Variants in FBF1 observed in about 807,000 individuals in gnomAD.
The protein encoded by FBF1 is Fas binding factor 1, also known as fas-binding factor 1.
A neutral mutation model predicts 147.2 loss-of-function variants in FBF1; 119 were observed. The ratio of observed to expected loss-of-function variants is 0.81; its 90% CI spans 0.70 to 0.94. The LOEUF (loss-of-function observed/expected upper bound fraction) is 0.94. Ranked by LOEUF, FBF1 falls within the 40% of genes least tolerant of loss-of-function variation. The pLI is 0.00. For synonymous variants in FBF1, 601 were observed against 609.0 expected (o/e 0.99, Z 0.19); for missense variants, 1,449 against 1,500.8 (o/e 0.97, Z 0.57).
In FBF1 at chr17:75,923,171, A is replaced by C. The variant is rs1402551784; in HGVS notation, c.1424+15T>G. ...CAGTCCTCCCCCTACTAGCCACAGC[A>C]GCCTAAGTCAGTACCTGCCAGAAGG... On this transcript the variant is annotated intron_variant, in intron 14 of 29. Transcript: ENST00000636174. The surrounding 1 kb of genome is among the most constrained non-coding windows in gnomAD (Gnocchi z 4.1). 1 of 1,553,132 alleles carries C rather than the reference A, an allele frequency of 6.4e-7. No individual in the cohort carries two copies. The highest frequency in any genetic ancestry group is 8.7e-7 in the Non-Finnish European group (1 of 1,148,158).
rs548105895 is a variant in FBF1 at position 75,910,464 on chromosome 17, C to T, written c.*259G>A. ...GGTCCTTGCTGCCAACTCAGACCCT[C>T]AGATCCAAGCCAATGGCTTTGGGGC... On this transcript the variant is annotated 3_prime_UTR_variant, in exon 30 of 30. Coordinates refer to ENST00000636174, the MANE Select transcript of FBF1 (RefSeq NM_001319193.2). This position sits in a 1 kb window ranked among gnomAD's most constrained non-coding sequence, Gnocchi z 4.1. 2.5e-5 allele frequency: 12 copies of T among 478,988 alleles called. No homozygotes were observed. Among genetic ancestry groups the T allele is most frequent in the African/African-American group, 2.3e-4 (12 of 51,140 alleles). The allele number at this position is 478,988 out of a possible 1,614,324, so 29.7% of individuals were successfully genotyped here.
Position 75,928,226 on chromosome 17 carries a change from T to C in FBF1, c.280-33A>G. On this transcript the variant is annotated intron_variant, in intron 7 of 29. Coordinates refer to ENST00000636174, the MANE Select transcript of FBF1 (RefSeq NM_001319193.2). This position sits in a 1 kb window ranked among gnomAD's most constrained non-coding sequence, Gnocchi z 4.2. ...ACCAGGGAGGGAGGGCAGAGGACTA[T>C]GTCTGATAAGGGGCTGAGGACTTCC... 1 of 1,588,118 alleles carries C rather than the reference T, an allele frequency of 6.3e-7. No homozygotes were observed. Among genetic ancestry groups the C allele is most frequent in the Non-Finnish European group, 8.6e-7 (1 of 1,156,708 alleles).
intron 15 of FBF1, 52 bp from the exon 16 acceptor site, chr17:75,921,612 G>T: frequency 6.9e-7 from 1 of 1,440,190 alleles, no homozygotes; most frequent in African/African-American, 1.4e-5. Flanking sequence ...GGGACACGGG[G>T]ACGGGGCAGG....
chr17:75,926,992 A>C, intron 9 of FBF1, 115 bp from the exon 10 acceptor site: 1 of 1,399,454 alleles, frequency 7.1e-7, no homozygotes, highest in Non-Finnish European at 9.6e-7. Context: ...GTACATAAAC[A>C]AGCCCCCTGG....
intron 1 of FBF1, 59 bp from the exon 2 acceptor site, chr17:75,938,291 G>T: frequency 8.0e-7 from 1 of 1,256,628 alleles, no homozygotes; most frequent in Non-Finnish European, 1.1e-6. Flanking sequence ...TGGGCGCCAT[G>T]GCTCACGCCT....
Position 75,910,792 on chromosome 17 carries a change from CAAG to C in FBF1, c.3375_3377del (p.Phe1125del). On this transcript the variant is annotated inframe_deletion, in exon 30 of 30. Transcript: ENST00000636174. This position sits in a 1 kb window ranked among gnomAD's most constrained non-coding sequence, Gnocchi z 4.1. ...TCTCCAGGAAGAACTGTTCATTCTC[CAAG>C]AAGTCACGGTCCTGCAAGGCAGGTT... 1 of 1,610,040 alleles carries C rather than the reference CAAG, an allele frequency of 6.2e-7. No homozygotes were observed. Among genetic ancestry groups the C allele is most frequent in the Non-Finnish European group, 8.5e-7 (1 of 1,178,286 alleles).
intron 28 of FBF1, chr17:75,913,441 C>A: frequency 7.8e-6 from 3 of 383,666 alleles, no homozygotes; most frequent in Non-Finnish European, 9.3e-6. Context: ...AGCCACCACG[C>A]CCAGCCTGAC....
intron 16 of FBF1, 24 bp downstream of exon 16, chr17:75,921,448 T>C (rs1228943614): frequency 8.1e-6 from 13 of 1,603,674 alleles, no homozygotes; most frequent in African/African-American, 1.3e-5. Flanking sequence ...AACTCCCAAA[T>C]GAAGCAGCAA....
chr17:75,935,634 T>G lies in FBF1; in HGVS notation c.71A>C (p.Asp24Ala). The change falls in exon 4 of 30, where the codon GAT (aspartate) becomes GCT (alanine). Residue 24 changes from aspartate to alanine, a missense_variant and splice_region_variant. Coordinates refer to ENST00000636174, the MANE Select transcript of FBF1 (RefSeq NM_001319193.2). Reference sequence around the variant, plus strand: ...GATTCTGGGCAAGGCACACTTACTATCATCCCCTAGAAGGTCACCAAGAAA... The same window carrying G: ...GATTCTGGGCAAGGCACACTTACTAGCATCCCCTAGAAGGTCACCAAGAAA... ...DDFLGDLLGDDMTLPEKPVKL... is the reference protein window; with the variant it reads ...DDFLGDLLGDAMTLPEKPVKL... 6.5e-7 allele frequency: 1 copy of G among 1,536,704 alleles called. No individual in the cohort carries two copies.
chr17:75,936,073 G>T (rs937608264), intron 3 of FBF1, among the ~76,000 whole-genome samples: 7 of 152,124 alleles, frequency 4.6e-5, no homozygotes, highest in African/African-American at 1.7e-4. Context: ...AGCACTTTGG[G>T]AGGCCAAGGC....
In FBF1 at chr17:75,922,036, TGA is replaced by T; in HGVS notation, c.1433_1434del (p.Leu478HisfsTer7). 6.4e-7 allele frequency: 1 copy of T among 1,551,614 alleles called. No homozygotes were observed. Among genetic ancestry groups the T allele is most frequent in the African/African-American group, 1.4e-5 (1 of 73,036 alleles). On this transcript the variant is annotated frameshift_variant, in exon 15 of 30. Coordinates refer to ENST00000636174, the MANE Select transcript of FBF1 (RefSeq NM_001319193.2). LOFTEE classifies it high-confidence loss of function. The surrounding 1 kb of genome is among the most constrained non-coding windows in gnomAD (Gnocchi z 5.0). ...GCGTGCTCAAGCCCTTGTGTGCTGG[TGA>T]GAGGTTGGCTGAGGAAAGGCAGCGT... ...AGHPPSGSQP[L>X]TSTQGLEHAA...
rs2065477180 is a variant in FBF1, at chr17:75,914,721, C to T, written c.2814+26G>A. Reference sequence around the variant, plus strand: ...GGGGCGCAGGCAACCCTGGGCCCTCCACTGTCCGGAGGCTCTGGGCCCTAC... The same window carrying T: ...GGGGCGCAGGCAACCCTGGGCCCTCTACTGTCCGGAGGCTCTGGGCCCTAC... On this transcript the variant is annotated intron_variant, in intron 25 of 29. Transcript: ENST00000636174. 6 of 1,519,692 alleles carry T rather than the reference C, an allele frequency of 3.9e-6. 2 individuals are homozygous for T. The South Asian group carries it at 7.5e-5, about 19-fold the overall frequency. The allele number at this position is 1,519,692 out of a possible 1,614,324, so 94.1% of individuals were successfully genotyped here. A position where few individuals can be genotyped will look rare whatever the true frequency, so the allele number is the denominator to read the frequency against.
In FBF1 at chr17:75,927,681, T is replaced by C; in HGVS notation, c.398-149A>G. On this transcript the variant is annotated intron_variant, in intron 8 of 29. Coordinates refer to ENST00000636174, the MANE Select transcript of FBF1 (RefSeq NM_001319193.2). ...GCCATGGGCACAGCCAAGGGAGGAG[T>C]CTCCAGTTCTGCCATGGGCTTCTGG... is the stretch of plus-strand genomic sequence containing the variant. The C allele has an allele frequency of 4.5e-6, 3 of 673,820 alleles. No homozygotes were observed. The South Asian group carries it at 5.6e-5, about 13-fold the overall frequency. 41.7% of individuals were successfully genotyped at this position (673,820 alleles called of 1,614,324 possible).
At chr17:75,926,567 T>C (rs1354665924) in intron 10 of FBF1, 141 bp from the exon 11 acceptor site, 8 of 1,370,784 alleles carry the variant, frequency 5.8e-6, no homozygotes, top group African/African-American at 2.9e-5. Context: ...CGGGACCCAA[T>C]TCCTCCAGCC....
intron 29 of FBF1, among the ~76,000 whole-genome samples, chr17:75,911,293 C>T (rs1599478785): frequency 6.6e-6 from 1 of 152,134 alleles, no homozygotes; most frequent in Non-Finnish European, 1.5e-5. Context: ...ACAAAGCCTT[C>T]GGCATTGAGG....
intron 9 of FBF1, among the ~76,000 whole-genome samples, chr17:75,927,093 A>G (rs1046322122): frequency 5.3e-5 from 8 of 152,168 alleles, no homozygotes; most frequent in African/African-American, 1.9e-4. Context: ...CCCTGGACCT[A>G]CGGGGCCTGC....
rs371760332 is a variant in FBF1, at chr17:75,926,894, A to T, written c.476-17T>A. The T allele has an allele frequency of 4.1e-5, 66 of 1,604,250 alleles. No homozygotes were observed. Among genetic ancestry groups the T allele is most frequent in the Non-Finnish European group, 5.3e-5 (62 of 1,175,162 alleles). ...CTTCCAAGTCTCACAGCAGAAGGGA[A>T]AGCACAGGTCAGACTGCAGCACTTA... is the stretch of plus-strand genomic sequence containing the variant. On this transcript the variant is annotated splice_polypyrimidine_tract_variant and intron_variant, in intron 9 of 29. Coordinates refer to ENST00000636174, the MANE Select transcript of FBF1 (RefSeq NM_001319193.2).
At chr17:75,921,912 C>G in intron 15 of FBF1, 33 bp downstream of exon 15, 2 of 1,524,448 alleles carry the variant, frequency 1.3e-6, no homozygotes, top group Non-Finnish European at 8.9e-7. Flanking sequence ...CCACCATGCT[C>G]TCATTCCCAC....
In FBF1 at chr17:75,922,995, T is replaced by G. The variant is rs1217452475; in HGVS notation, c.1424+191A>C. ...CTTGGGTATGTCCCTGGGGCAAGCCTGGGAGCCAGAGGCTCTCTCTGCAGT... is the reference window on the plus strand; with the variant it reads ...CTTGGGTATGTCCCTGGGGCAAGCCGGGGAGCCAGAGGCTCTCTCTGCAGT... On this transcript the variant is annotated intron_variant, in intron 14 of 29. Coordinates refer to ENST00000636174, the MANE Select transcript of FBF1 (RefSeq NM_001319193.2). The surrounding 1 kb of genome is among the most constrained non-coding windows in gnomAD (Gnocchi z 5.0). Among the ~76,000 whole-genome samples, 2 of 152,246 alleles carry G rather than the reference T, an allele frequency of 1.3e-5. No homozygotes were observed. The highest frequency in any genetic ancestry group is 6.5e-5 in the Admixed American group (1 of 15,290).
Sources: gnomAD v4.1 joint callset for allele counts (sites outside exome capture counted in the v4.1 genomes callset) on GRCh38, gnomAD v4.1.1 for gene constraint, Gnocchi (gnomAD v3.1) non-coding constraint, MANE v1.5 for transcripts, NCBI Gene and HGNC (gene_info 2026-07-23, HGNC 2026-07-21) for gene names.